Variants in RFX3 observed in about 807,000 individuals in gnomAD.
The protein encoded by RFX3 is regulatory factor X3.
RFX3 carries 14 observed loss-of-function variants against 98.6 expected under a neutral mutation model. That is an observed-to-expected ratio of 0.14 (90% confidence interval 0.09 to 0.22). The LOEUF (loss-of-function observed/expected upper bound fraction) is 0.22, where lower values mean the gene tolerates loss of function less well. Ranked by LOEUF, RFX3 falls within the 10% of genes least tolerant of loss-of-function variation. The probability of loss-of-function intolerance (pLI) is 1.00; values close to 1 mark genes in which losing one functional copy is unlikely to be tolerated. For synonymous variants in RFX3, 383 were observed against 328.4 expected, an observed-to-expected ratio of 1.17 and a Z score of -1.80; for missense variants, 639 against 926.9, an observed-to-expected ratio of 0.69 and a Z score of 4.03.
In RFX3 at chr9:3,232,771, TGAGA is replaced by T. The variant is rs36070658; in HGVS notation, c.1969-3886_1969-3883del. On this transcript the variant is annotated intron_variant, in intron 15 of 16. Transcript: ENST00000617270. ...CAGATATTCTCCTTGGTTTAGAATC[TGAGA>T]GAGAGAGAGAGAGAGAGAGAGAGAG... 2.9e-3 allele frequency among the ~76,000 whole-genome samples: 380 copies of T among 131,690 alleles called. 1 individual carries two copies. The highest frequency in any genetic ancestry group is 3.6e-3 in the Middle Eastern group (1 of 276). 86.4% of individuals were successfully genotyped at this position (131,690 alleles called of 152,430 possible).
intron 1 of RFX3, among the ~76,000 whole-genome samples, chr9:3,403,123 G>A (rs749369594): frequency 3.3e-5 from 5 of 151,990 alleles, no homozygotes; most frequent in Non-Finnish European, 5.9e-5. Flanking sequence ...AATATATTGA[G>A]CTGATTGCTT....
chr9:3,415,033 CTT>C lies in RFX3; in HGVS notation c.-8-19439_-8-19438del, dbSNP rs1398941653. 6.4e-3 allele frequency among the ~76,000 whole-genome samples: 799 copies of C among 124,876 alleles called. 6 individuals carry two copies. The highest frequency in any genetic ancestry group is 0.02 in the East Asian group (92 of 4,502). 81.9% of individuals were successfully genotyped at this position (124,876 alleles called of 152,430 possible). A position where few individuals can be genotyped will look rare whatever the true frequency, so the allele number is the denominator to read the frequency against. Reference sequence around the variant, plus strand: ...ACTCATATATATACTTATATATTTACTTTTATATATATACTTATATATATACT... The same window carrying C: ...ACTCATATATATACTTATATATTTACTTATATATATACTTATATATATACT... On this transcript the variant is annotated intron_variant, in intron 1 of 16. Transcript: ENST00000617270.
intron 5 of RFX3, among the ~76,000 whole-genome samples, chr9:3,300,007 G>GT (rs112422954): frequency 0.069 from 10,069 of 146,624 alleles, 893 homozygotes; most frequent in African/African-American, 0.21. Flanking sequence ...GAAACTTCAG[G>GT]TTTTTTTTTT....
intron 1 of RFX3, among the ~76,000 whole-genome samples, chr9:3,503,186 T>G (rs529983250): frequency 3.3e-5 from 5 of 152,282 alleles, no homozygotes; most frequent in South Asian, 2.1e-4. Flanking sequence ...AGAAAATGTG[T>G]GCACAGCTGA....
chr9:3,519,831 C>A (rs970227611), intron 1 of RFX3, among the ~76,000 whole-genome samples: 1 of 151,010 alleles, frequency 6.6e-6, no homozygotes, highest in African/African-American at 2.4e-5. Flanking sequence ...GCATTTGATA[C>A]GAAATAAAAA....
At chr9:3,355,578 A>G (rs1441076209) in intron 2 of RFX3, among the ~76,000 whole-genome samples, 1 of 151,914 alleles carries the variant, frequency 6.6e-6, no homozygotes, top group African/African-American at 2.4e-5. Flanking sequence ...AAAGAAGAAA[A>G]TTTAAAAATC....
At chr9:3,247,691 A>G (rs1280752232) in intron 15 of RFX3, 1 of 1,492,602 alleles carries the variant, frequency 6.7e-7, no homozygotes, top group Non-Finnish European at 8.9e-7. Flanking sequence ...TTGTATTCCC[A>G]GCCCTTTGCT....
chr9:3,226,396 G>A (rs903173104), intron 16 of RFX3, among the ~76,000 whole-genome samples: 9 of 152,170 alleles, frequency 5.9e-5, no homozygotes, highest in Admixed American at 2.0e-4. Context: ...GGCAAAGTTT[G>A]TTCTAGAAAA....
intron 4 of RFX3, among the ~76,000 whole-genome samples, chr9:3,309,123 G>A (rs115722004): frequency 7.4e-4 from 112 of 152,236 alleles, no homozygotes; most frequent in African/African-American, 2.6e-3. Context: ...GATTCTGTAC[G>A]ACAGAGAACG....
At chr9:3,363,069 C>T (rs13296217) in intron 2 of RFX3, among the ~76,000 whole-genome samples, 6,849 of 152,212 alleles carry the variant, frequency 0.045, 184 homozygotes, top group Middle Eastern at 0.092. Flanking sequence ...AGCATTATTT[C>T]CCTTGGGTCC....
intron 13 of RFX3, among the ~76,000 whole-genome samples, chr9:3,260,335 G>A (rs758516649): frequency 2.0e-5 from 3 of 151,842 alleles, no homozygotes; most frequent in Non-Finnish European, 4.4e-5. Flanking sequence ...AGGATAAGTC[G>A]TACAGTAGAC....
chr9:3,448,979 G>A (rs1846314136), intron 1 of RFX3, among the ~76,000 whole-genome samples: 1 of 152,100 alleles, frequency 6.6e-6, no homozygotes, highest in African/African-American at 2.4e-5. Flanking sequence ...TGTTGGTTTT[G>A]TCTATTATCT....
intron 2 of RFX3, among the ~76,000 whole-genome samples, chr9:3,357,742 G>A (rs932602593): frequency 5.3e-5 from 8 of 152,080 alleles, no homozygotes; most frequent in African/African-American, 1.7e-4. Context: ...TAGAAGAATC[G>A]TAATGTTCCC....
At chr9:3,492,227 A>G (rs1010830766) in intron 1 of RFX3, among the ~76,000 whole-genome samples, 2 of 152,204 alleles carry the variant, frequency 1.3e-5, no homozygotes, top group African/African-American at 4.8e-5. Flanking sequence ...CAGTGGCTCC[A>G]TAATTCTCCT....
chr9:3,241,348 T>C (rs2130861113), intron 15 of RFX3, among the ~76,000 whole-genome samples: 1 of 152,270 alleles, frequency 6.6e-6, no homozygotes, highest in African/African-American at 2.4e-5. Context: ...AGGGTACCTA[T>C]TGCATGATTA....
intron 4 of RFX3, among the ~76,000 whole-genome samples, chr9:3,316,033 A>G (rs12006321): frequency 0.065 from 9,895 of 152,198 alleles, 1,087 homozygotes; most frequent in African/African-American, 0.22. Context: ...TATGAGGCCA[A>G]CATCATCCTG....
At chr9:3,300,407 C>T (rs1828506852) in intron 5 of RFX3, among the ~76,000 whole-genome samples, 1 of 150,870 alleles carries the variant, frequency 6.6e-6, no homozygotes, top group Admixed American at 6.6e-5. Flanking sequence ...GACAAAATAC[C>T]CCATCTAAAA....
chr9:3,405,536 T>C (rs1410769325), intron 1 of RFX3, among the ~76,000 whole-genome samples: 1 of 152,182 alleles, frequency 6.6e-6, no homozygotes, highest in Non-Finnish European at 1.5e-5. Context: ...TTACATGCCT[T>C]GGGGAATACA....
At chr9:3,285,382 AT>A (rs1471117378) in intron 7 of RFX3, among the ~76,000 whole-genome samples, 1 of 151,850 alleles carries the variant, frequency 6.6e-6, no homozygotes, top group Non-Finnish European at 1.5e-5. Flanking sequence ...TTTTTAAGCC[AT>A]AAAATATATT....
Sources: gnomAD v4.1 joint callset for allele counts (sites outside exome capture counted in the v4.1 genomes callset) on GRCh38, gnomAD v4.1.1 for gene constraint, MANE v1.5 for transcripts, NCBI Gene and HGNC (gene_info 2026-07-23, HGNC 2026-07-21) for gene names.